Variants in AGTPBP1 observed in about 807,000 individuals in gnomAD.
AGTPBP1 encodes the protein ATP/GTP binding carboxypeptidase 1, also known as cytosolic carboxypeptidase 1.
Under a neutral mutation model 143.9 loss-of-function variants are expected in AGTPBP1, and 70 were observed. The ratio of observed to expected loss-of-function variants is 0.49; its 90% CI spans 0.40 to 0.59. The LOEUF (loss-of-function observed/expected upper bound fraction) is 0.59, where lower values mean the gene tolerates loss of function less well. Among genes scored for constraint, AGTPBP1 ranks in the 20% least tolerant of loss-of-function variants. The probability of loss-of-function intolerance (pLI) is 0.00; values close to 1 mark genes in which losing one functional copy is unlikely to be tolerated. For missense variants in AGTPBP1, 1,229 were observed against 1,464.5 expected, an observed-to-expected ratio of 0.84 and a Z score of 2.62; for synonymous variants, 463 against 500.2, an observed-to-expected ratio of 0.93 and a Z score of 0.99.
chr9:85,755,886 C>T, the AGTPBP1 span, among the ~76,000 whole-genome samples: 2 of 152,122 alleles, frequency 1.3e-5, no homozygotes, highest in Non-Finnish European at 2.9e-5. Context: ...CTTTATAAAA[C>T]AACATAGCTA....
At chr9:85,685,926 A>G (rs1356734685) in intron 3 of AGTPBP1, among the ~76,000 whole-genome samples, 2 of 152,088 alleles carry the variant, frequency 1.3e-5, no homozygotes, top group Non-Finnish European at 2.9e-5. Context: ...CATTTAGTGC[A>G]ATATTCAAAG....
At chr9:85,601,616 T>C (rs115700984) in intron 17 of AGTPBP1, among the ~76,000 whole-genome samples, 298 of 152,264 alleles carry the variant, frequency 2.0e-3, no homozygotes, top group African/African-American at 6.8e-3. Flanking sequence ...CAGAGGGTTG[T>C]CCCACCACTG....
chr9:85,734,105 T>G (rs1839069497), intron 1 of AGTPBP1, among the ~76,000 whole-genome samples: 1 of 151,896 alleles, frequency 6.6e-6, no homozygotes, highest in Non-Finnish European at 1.5e-5. Flanking sequence ...TACAAAAAAT[T>G]AGCTGGGCGT....
chr9:85,786,673 C>T, the AGTPBP1 span: 12 of 1,321,832 alleles, frequency 9.1e-6, no homozygotes, highest in African/African-American at 6.5e-5. Context: ...CCTCTTTCCT[C>T]AGCATAAAGG....
the AGTPBP1 span, among the ~76,000 whole-genome samples, chr9:85,754,853 A>G: frequency 2.4e-4 from 37 of 151,078 alleles, no homozygotes; most frequent in South Asian, 4.6e-3. Context: ...CCTTTTAAGT[A>G]GAGCTTAAAA....
chr9:85,699,845 T>C (rs1247121981), intron 2 of AGTPBP1, among the ~76,000 whole-genome samples: 3 of 152,216 alleles, frequency 2.0e-5, no homozygotes, highest in Non-Finnish European at 2.9e-5. Flanking sequence ...TAACACAAAT[T>C]AAAACTGAAC....
chr9:85,715,243 C>T (rs998707101), intron 1 of AGTPBP1, among the ~76,000 whole-genome samples: 20 of 146,326 alleles, frequency 1.4e-4, no homozygotes, highest in African/African-American at 4.8e-4. Flanking sequence ...GAGACTCTGT[C>T]TCAAAAAAAA....
the AGTPBP1 span, among the ~76,000 whole-genome samples, chr9:85,762,705 G>A: frequency 6.6e-6 from 1 of 151,050 alleles, no homozygotes; most frequent in African/African-American, 2.4e-5. Context: ...CACCAACATG[G>A]CACATGTATA....
At chr9:85,752,237 G>GA in the AGTPBP1 span, among the ~76,000 whole-genome samples, 22 of 147,610 alleles carry the variant, frequency 1.5e-4, no homozygotes, top group Non-Finnish European at 2.4e-4. Context: ...ACTTTGTCTA[G>GA]AAAAAAAAAA....
At chr9:85,732,272 C>A (rs1023193265) in intron 1 of AGTPBP1, among the ~76,000 whole-genome samples, 2 of 138,542 alleles carry the variant, frequency 1.4e-5, no homozygotes, top group Non-Finnish European at 3.0e-5. Flanking sequence ...TGGAGTGCAG[C>A]GGCGTGATTT....
the AGTPBP1 span, among the ~76,000 whole-genome samples, chr9:85,800,807 T>TTGTGTGTGTG: frequency 8.4e-4 from 122 of 144,682 alleles, no homozygotes; most frequent in African/African-American, 2.0e-3. Flanking sequence ...TTTAGAATGG[T>TTGTGTGTGTG]TGTGTGTGTG....
intron 17 of AGTPBP1, among the ~76,000 whole-genome samples, chr9:85,601,687 T>C (rs940914633): frequency 2.6e-5 from 4 of 152,134 alleles, no homozygotes; most frequent in African/African-American, 9.7e-5. Flanking sequence ...CCCACCTATC[T>C]GGCCCAAAGC....
chr9:85,596,213 C>T, intron 18 of AGTPBP1, 149 bp downstream of exon 18: 1 of 570,262 alleles, frequency 1.8e-6, no homozygotes, highest in Non-Finnish European at 3.0e-6. Context: ...ATCTCAAGTT[C>T]AAAAGGACTC....
chr9:85,780,875 G>A, the AGTPBP1 span, among the ~76,000 whole-genome samples: 1 of 152,166 alleles, frequency 6.6e-6, no homozygotes, highest in African/African-American at 2.4e-5. Context: ...CCAGCACTTT[G>A]GGAAGCCAAG....
intron 25 of AGTPBP1, among the ~76,000 whole-genome samples, chr9:85,559,832 G>A (rs1041584798): frequency 5.3e-5 from 8 of 152,236 alleles, no homozygotes; most frequent in Admixed American, 2.0e-4. Context: ...TTATCTTCAC[G>A]AATATTCCAC....
chr9:85,754,463 T>A, the AGTPBP1 span, among the ~76,000 whole-genome samples: 2 of 152,196 alleles, frequency 1.3e-5, no homozygotes, highest in East Asian at 3.8e-4. Context: ...ATTACAGGTG[T>A]GAGCCACCGC....
At chr9:85,707,003 T>C (rs1837058170) in intron 2 of AGTPBP1, among the ~76,000 whole-genome samples, 1 of 149,920 alleles carries the variant, frequency 6.7e-6, no homozygotes, top group Admixed American at 6.6e-5. Flanking sequence ...AATATAAAGA[T>C]AGAAATAGGC....
chr9:85,769,305 G>A, the AGTPBP1 span, among the ~76,000 whole-genome samples: 5 of 152,074 alleles, frequency 3.3e-5, no homozygotes, highest in Admixed American at 6.5e-5. Flanking sequence ...ATGGGTATAC[G>A]GAAACATATA....
intron 17 of AGTPBP1, among the ~76,000 whole-genome samples, chr9:85,600,477 G>C (rs1829591840): frequency 6.6e-6 from 1 of 152,122 alleles, no homozygotes. Context: ...ATCTAAGACA[G>C]AACACTGAAA....
Sources: gnomAD v4.1 joint callset for allele counts (sites outside exome capture counted in the v4.1 genomes callset) on GRCh38, gnomAD v4.1.1 for gene constraint, MANE v1.5 for transcripts, NCBI Gene and HGNC (gene_info 2026-07-23, HGNC 2026-07-21) for gene names.